TMEM38A: variants seen among roughly 807,000 people sequenced by gnomAD.
The protein encoded by TMEM38A is trimeric intracellular cation channel type A.
Under a neutral mutation model 28.6 loss-of-function variants are expected in TMEM38A, and 17 were observed. That is an observed-to-expected ratio of 0.60 (90% CI 0.41 to 0.89). TMEM38A has a LOEUF of 0.89. Ranked by LOEUF, TMEM38A falls within the 40% of genes least tolerant of loss-of-function variation. The pLI, the probability that TMEM38A is intolerant of heterozygous loss-of-function variation, is 0.00. For synonymous variants in TMEM38A, 169 were observed against 166.1 expected (o/e 1.02, Z -0.14); for missense variants, 328 against 393.1 (o/e 0.83, Z 1.40).
In TMEM38A at chr19:16,685,903, C is replaced by T. The variant is rs527748567; in HGVS notation, c.555-385C>T. On this transcript the variant is annotated intron_variant, in intron 4 of 5. Coordinates refer to ENST00000187762, the MANE Select transcript of TMEM38A (RefSeq NM_024074.4). ...GAAGCTGTGGCTGGGCGCAGTGGCT[C>T]ATGCCTATAATCCCAGCACTTTGGG... Among the ~76,000 whole-genome samples, 29 of 152,350 alleles carry T rather than the reference C, an allele frequency of 1.9e-4. No individual in the cohort carries two copies. In the South Asian group the frequency reaches 5.6e-3, roughly 29 times the overall value.
At position 16,661,368 on chromosome 19, in the gene TMEM38A, G is replaced by A. The variant is rs765676875; in HGVS notation, c.124+27G>A. On this transcript the variant is annotated intron_variant, in intron 1 of 5. Coordinates refer to ENST00000187762, the MANE Select transcript of TMEM38A (RefSeq NM_024074.4). The surrounding 1 kb of genome is among the most constrained non-coding windows in gnomAD (Gnocchi z 6.5). ...TGAGCCGGGGCGGGGGGCTGGAGGGGACCGGCAGCGGGTGGCGCGGGCCGG... is the reference window on the plus strand; with the variant it reads ...TGAGCCGGGGCGGGGGGCTGGAGGGAACCGGCAGCGGGTGGCGCGGGCCGG... 5.2e-6 allele frequency: 8 copies of A among 1,551,830 alleles called. No homozygotes were observed. The South Asian group carries it at 7.0e-5, about 14-fold the overall frequency.
chr19:16,677,074 G>GAAAAA lies in TMEM38A; in HGVS notation c.125-2899_125-2895dup, dbSNP rs398079759. On this transcript the variant is annotated intron_variant, in intron 1 of 5. Coordinates refer to ENST00000187762, the MANE Select transcript of TMEM38A (RefSeq NM_024074.4). ...CCGTGCCCAGCCCTTTTTTTAAAAA[G>GAAAAA]AAAAAAAAAAAAAAAGCCCAGCTAT... Among the ~76,000 whole-genome samples the GAAAAA allele has an allele frequency of 1.0e-3, 112 of 109,114 alleles. No homozygotes were observed. The East Asian group carries it at 0.013, about 13-fold the overall frequency. The allele number at this position is 109,114 out of a possible 152,430, so 71.6% of individuals were successfully genotyped here.
At chr19:16,674,484 C>T (rs1024222260) in intron 1 of TMEM38A, among the ~76,000 whole-genome samples, 11 of 151,766 alleles carry the variant, frequency 7.2e-5, no homozygotes, top group African/African-American at 2.7e-4. Flanking sequence ...GGGACCTCAC[C>T]TGTCTTGTTC....
intron 1 of TMEM38A, among the ~76,000 whole-genome samples, chr19:16,668,451 A>T (rs1002440257): frequency 1.3e-5 from 2 of 150,456 alleles, no homozygotes; most frequent in African/African-American, 4.9e-5. Flanking sequence ...AGGCTGAGGC[A>T]CGAGAATTGC....
chr19:16,689,988 G>C lies in TMEM38A; in HGVS notation c.*1617G>C, dbSNP rs2086819225. Reference sequence around the variant, plus strand: ...CCTCTTGCTTGTCCACCTCAGCTCGGTGTGGAGGGGCAGCCAATAAATCAT... The same window carrying C: ...CCTCTTGCTTGTCCACCTCAGCTCGCTGTGGAGGGGCAGCCAATAAATCAT... On this transcript the variant is annotated 3_prime_UTR_variant, in exon 6 of 6. Coordinates refer to ENST00000187762, the MANE Select transcript of TMEM38A (RefSeq NM_024074.4). 1 of 152,136 alleles carries C rather than the reference G, an allele frequency of 6.6e-6. No individual in the cohort carries two copies. The highest frequency in any genetic ancestry group is 6.6e-5 in the Admixed American group (1 of 15,258). 9.4% of individuals were successfully genotyped at this position (152,136 alleles called of 1,614,324 possible). A position where few individuals can be genotyped will look rare whatever the true frequency, so the allele number is the denominator to read the frequency against.
intron 4 of TMEM38A, among the ~76,000 whole-genome samples, chr19:16,683,462 AT>A (rs1479832828): frequency 1.3e-5 from 2 of 151,844 alleles, no homozygotes; most frequent in African/African-American, 2.4e-5. Context: ...GCATGGTGGG[AT>A]GCACTTGTGG....
At chr19:16,685,486 T>G (rs2086798168) in intron 4 of TMEM38A, among the ~76,000 whole-genome samples, 1 of 152,156 alleles carries the variant, frequency 6.6e-6, no homozygotes, top group Non-Finnish European at 1.5e-5. Context: ...TGGAATCATG[T>G]GGACAGGGCT....
chr19:16,679,252 CGTGTGTGTGTGTGTGTGTGTGTGTGTGT>C (rs35543309), intron 1 of TMEM38A, among the ~76,000 whole-genome samples: 1 of 128,292 alleles, frequency 7.8e-6, no homozygotes, highest in African/African-American at 2.8e-5. Flanking sequence ...TCTTTTGTTT[CGTGTGTGTGTGTGTGTGTGTGTGTGTGT>C]GTGTGTGTGT....
chr19:16,673,591 G>A (rs193014807), intron 1 of TMEM38A, among the ~76,000 whole-genome samples: 1 of 152,144 alleles, frequency 6.6e-6, no homozygotes, highest in Non-Finnish European at 1.5e-5. Context: ...ATATTTCCCT[G>A]GTATTGCCAA....
intron 1 of TMEM38A, among the ~76,000 whole-genome samples, chr19:16,673,512 A>G (rs558148489): frequency 3.5e-4 from 53 of 152,240 alleles, no homozygotes; most frequent in African/African-American, 1.3e-3. Context: ...GTCTTTGTTT[A>G]TGGTGCTTGT....
intron 3 of TMEM38A, among the ~76,000 whole-genome samples, chr19:16,681,589 T>C (rs2086782245): frequency 6.6e-6 from 1 of 152,102 alleles, no homozygotes; most frequent in Non-Finnish European, 1.5e-5. Flanking sequence ...CCACCAGATA[T>C]GGGTACCCAC....
At position 16,688,474 on chromosome 19, in the gene TMEM38A, C is replaced by A; in HGVS notation, c.*103C>A. 1 of 958,562 alleles carries A rather than the reference C, an allele frequency of 1.0e-6. No homozygotes were observed. The highest frequency in any genetic ancestry group is 2.4e-5 in the South Asian group (1 of 42,450). 59.4% of individuals were successfully genotyped at this position (958,562 alleles called of 1,614,324 possible). A position where few individuals can be genotyped will look rare whatever the true frequency, so the allele number is the denominator to read the frequency against. On this transcript the variant is annotated 3_prime_UTR_variant, in exon 6 of 6. Coordinates refer to ENST00000187762, the MANE Select transcript of TMEM38A (RefSeq NM_024074.4). ...TATCCTTTCCTGGCCTTGACTTCCC[C>A]ATCTGCAAATCAGGGTCATTGGCTC...
In TMEM38A at chr19:16,679,126, G is replaced by A. The variant is rs1346773584; in HGVS notation, c.125-858G>A. Among the ~76,000 whole-genome samples, 5 of 149,300 alleles carry A rather than the reference G, an allele frequency of 3.3e-5. No homozygotes were observed. In the East Asian group the frequency reaches 9.9e-4, roughly 29 times the overall value. ...ATTGCACCATTGCACTCCAGCCTGGGTGACAGAGTGACACTCTGTTTGAAA... is the reference window on the plus strand; with the variant it reads ...ATTGCACCATTGCACTCCAGCCTGGATGACAGAGTGACACTCTGTTTGAAA... On this transcript the variant is annotated intron_variant, in intron 1 of 5. Transcript: ENST00000187762.
chr19:16,675,535 C>CTCTTGACTAT (rs1282797687), intron 1 of TMEM38A, among the ~76,000 whole-genome samples: 1 of 146,560 alleles, frequency 6.8e-6, no homozygotes, highest in Non-Finnish European at 1.5e-5. Flanking sequence ...CGCCTGGCCT[C>CTCTTGACTAT]TCTTGACTAT....
chr19:16,667,083 A>G (rs1289975374), intron 1 of TMEM38A, among the ~76,000 whole-genome samples: 1 of 152,122 alleles, frequency 6.6e-6, no homozygotes, highest in Non-Finnish European at 1.5e-5. Context: ...AGCCTGGCCA[A>G]CATGGCGAAA....
In TMEM38A at chr19:16,667,461, A is replaced by G. The variant is rs968157717; in HGVS notation, c.124+6120A>G. ...CAAAACTGAAGAAATGAGTGAATCA[A>G]TGACAATCCTGGTTGCCTTGAGCCT... is the stretch of plus-strand genomic sequence containing the variant. On this transcript the variant is annotated intron_variant, in intron 1 of 5. Transcript: ENST00000187762. Among the ~76,000 whole-genome samples, 8 of 152,304 alleles carry G rather than the reference A, an allele frequency of 5.3e-5. No individual in the cohort carries two copies. The East Asian group carries it at 5.8e-4, about 11-fold the overall frequency.
intron 1 of TMEM38A, among the ~76,000 whole-genome samples, chr19:16,671,201 C>CTTTTTTTTTTTTTTTTTTTTT (rs34550977): frequency 1.2e-5 from 1 of 84,848 alleles, no homozygotes; most frequent in African/African-American, 6.6e-5. Flanking sequence ...AGGACCTGGG[C>CTTTTTTTTTTTTTTTTTTTTT]TTTTTTTTTT....
chr19:16,668,983 C>T (rs2086715219), intron 1 of TMEM38A, among the ~76,000 whole-genome samples: 1 of 151,934 alleles, frequency 6.6e-6, no homozygotes, highest in Admixed American at 6.6e-5. Flanking sequence ...CATGTGCCAC[C>T]ACGCCTGGCT....
intron 4 of TMEM38A, among the ~76,000 whole-genome samples, chr19:16,682,889 G>A (rs560452400): frequency 4.6e-5 from 7 of 152,312 alleles, no homozygotes; most frequent in African/African-American, 1.4e-4. Context: ...TGCATTGGGA[G>A]CATATCTGGA....
Sources: allele counts gnomAD v4.1 joint callset (sites outside exome capture counted in the v4.1 genomes callset), GRCh38; gene constraint gnomAD v4.1.1; non-coding constraint Gnocchi (gnomAD v3.1); transcripts MANE v1.5; gene names NCBI Gene and HGNC (gene_info 2026-07-23, HGNC 2026-07-21).